NEB: variants seen among roughly 807,000 people sequenced by gnomAD.
The protein encoded by NEB is nemaline myopathy type 2.
A neutral mutation model predicts 952.2 loss-of-function variants in NEB; 512 were observed. The ratio of observed to expected loss-of-function variants is 0.54; its 90% CI spans 0.50 to 0.58. NEB has a LOEUF of 0.58. NEB is among the 20% of genes least tolerant of loss of function. NEB has a pLI of 0.00. For missense variants in NEB, 8,428 were observed against 9,231.1 expected, an observed-to-expected ratio of 0.91 and a Z score of 3.56; for synonymous variants, 2,900 against 3,149.8, an observed-to-expected ratio of 0.92 and a Z score of 2.66.
rs771860479 is a variant in NEB, at chr2:151,650,411, C to T, written c.7228-32G>A. 8 of 1,595,926 alleles carry T rather than the reference C, an allele frequency of 5.0e-6. No homozygotes were observed. The South Asian group carries it at 7.7e-5, about 15-fold the overall frequency. On this transcript the variant is annotated intron_variant, in intron 53 of 181. Transcript: ENST00000397345. ...AAAGACAGAGCAAGCCATCAAAATC[C>T]CATTCTCACCTGGACCCTTGATTCA...
intron 67 of NEB, 52 bp from the exon 68 acceptor site, chr2:151,629,698 CAG>C (rs777804855): frequency 8.3e-6 from 12 of 1,451,328 alleles, no homozygotes; most frequent in East Asian, 6.8e-5. Context: ...ATCAACAATT[CAG>C]AGATTATTAA....
rs554046143 is a variant in NEB, at chr2:151,496,348, C to T, written c.24414G>A (p.Met8138Ile). The change falls in exon 173 of 182, where the codon ATG (methionine) becomes ATA (isoleucine). Residue 8138 changes from methionine to isoleucine, a missense_variant. This residue lies in a region of NEB where 3,374 missense variants were observed against 3,651.5 expected (regional missense o/e 0.92). Transcript: ENST00000397345. ...NISSVLYKEN[M>I]GKGTPLAVTP... ...TGACAGCTAAAGGAGTTCCCTTGCCCATGTTTTCTTTGTATAACACCTGTG... is the reference window on the plus strand; with the variant it reads ...TGACAGCTAAAGGAGTTCCCTTGCCTATGTTTTCTTTGTATAACACCTGTG... 12 of 1,610,380 alleles carry T rather than the reference C, an allele frequency of 7.5e-6. No individual in the cohort carries two copies. Among genetic ancestry groups the T allele is most frequent in the African/African-American group, 1.3e-5 (1 of 74,960 alleles).
At chr2:151,540,889 G>T in intron 136 of NEB, 88 bp from the exon 137 acceptor site, 1 of 1,099,890 alleles carries the variant, frequency 9.1e-7, no homozygotes, top group Non-Finnish European at 1.4e-6. Flanking sequence ...TAACCATTCA[G>T]TGGGAAGGTG....
At position 151,531,824 on chromosome 2, in the gene NEB, G is replaced by A. The variant is rs771050596; in HGVS notation, c.21490C>T (p.Arg7164Cys). ...ATTTGTTTGTTGACTTTTGTAGTAC[G>A]CAGGTGTTCTGGAGTATCCACAATT... ...TSIVDTPEHL[R>C]TTKVNKQISD... The change falls in exon 144 of 182, where the codon CGT becomes TGT. Residue 7164 changes from arginine (R) to cysteine (C), a missense_variant. Physicochemically the swap from Arg to Cys is radical, Grantham distance 180. Around this residue, in one of 11 missense-constraint regions of NEB, gnomAD observed 3,374 missense variants for 3,651.5 expected, o/e 0.92. Coordinates refer to ENST00000397345, the MANE Select transcript of NEB (RefSeq NM_001164508.2). The A allele has an allele frequency of 1.2e-5, 20 of 1,612,740 alleles. No individual in the cohort carries two copies. The highest frequency in any genetic ancestry group is 3.3e-5 in the Admixed American group (2 of 59,960).
intron 124 of NEB, 115 bp downstream of exon 124, chr2:151,560,477 G>A (rs550584748): frequency 5.5e-5 from 44 of 794,182 alleles, no homozygotes; most frequent in East Asian, 4.6e-4. Context: ...ACATGCCCAC[G>A]GGAGTGCTAG....
chr2:151,523,284 A>T (rs1221137442), intron 153 of NEB, among the ~76,000 whole-genome samples: 1 of 152,180 alleles, frequency 6.6e-6, no homozygotes, highest in African/African-American at 2.4e-5. Context: ...AAAAACTTTT[A>T]AAAAATAATA....
intron 62 of NEB, among the ~76,000 whole-genome samples, 162 bp downstream of exon 62, chr2:151,639,695 A>G (rs552015343): frequency 6.6e-6 from 1 of 152,332 alleles, no homozygotes; most frequent in East Asian, 1.9e-4. Flanking sequence ...AATATACATG[A>G]TATATATCAG....
chr2:151,654,168 A>C, intron 51 of NEB, 69 bp from the exon 52 acceptor site: 1 of 911,238 alleles, frequency 1.1e-6, no homozygotes, highest in Non-Finnish European at 1.6e-6. Context: ...TATTAGGGAA[A>C]AGTTTACCTA....
intron 27 of NEB, among the ~76,000 whole-genome samples, chr2:151,685,926 G>T (rs1251271831): frequency 6.6e-6 from 1 of 152,112 alleles, no homozygotes; most frequent in Non-Finnish European, 1.5e-5. Context: ...CTGATCTTTT[G>T]GCTTTCTAAG....
intron 173 of NEB, among the ~76,000 whole-genome samples, chr2:151,494,793 C>A (rs190319656): frequency 1.3e-5 from 2 of 152,094 alleles, no homozygotes; most frequent in Non-Finnish European, 2.9e-5. Flanking sequence ...GGATTACAGG[C>A]GTGCACCACC....
In NEB at chr2:151,687,594, TCCAGGTCC is replaced by T. The variant is rs1323709753; in HGVS notation, c.2523+24_2523+31del. ...AGGAAATGTCCCCAAGGCCACCCTG[TCCAGGTCC>T]CCAGGTCCCCAGGCCACACTCACAT... On this transcript the variant is annotated intron_variant, in intron 26 of 181. Transcript: ENST00000397345. 5.6e-6 allele frequency: 9 copies of T among 1,613,400 alleles called. No individual in the cohort carries two copies. In the Admixed American group the frequency reaches 1.0e-4, roughly 18 times the overall value.
intron 148 of NEB, among the ~76,000 whole-genome samples, chr2:151,526,701 TA>T (rs2086306284): frequency 6.6e-6 from 1 of 152,198 alleles, no homozygotes. Context: ...TGGTGCAGTA[TA>T]AATCGAGGAC....
intron 20 of NEB, 24 bp from the exon 21 acceptor site, chr2:151,692,386 A>G (rs774195091): frequency 1.3e-6 from 2 of 1,524,466 alleles, no homozygotes; most frequent in Non-Finnish European, 1.8e-6. Flanking sequence ...AATAAATTAA[A>G]CCAAAAAGAA....
rs2153451874 is a variant in NEB, at chr2:151,525,950, T to C, written c.22161+8A>G. 1.2e-6 allele frequency: 2 copies of C among 1,609,120 alleles called. No homozygotes were observed. On this transcript the variant is annotated splice_region_variant and intron_variant, in intron 150 of 181. Transcript: ENST00000397345. ...TTGCTGCCAAGAGACCGGTGGTTGA[T>C]CACTTACATCACTGACATGCTTGGT...
chr2:151,540,900 G>A, intron 136 of NEB, 99 bp from the exon 137 acceptor site: 3 of 982,262 alleles, frequency 3.1e-6, no homozygotes, highest in Non-Finnish European at 4.8e-6. Context: ...TGGGAAGGTG[G>A]TATCTGCTTA....
chr2:151,722,507 T>C (rs978201751), intron 9 of NEB, among the ~76,000 whole-genome samples: 1 of 152,126 alleles, frequency 6.6e-6, no homozygotes, highest in African/African-American at 2.4e-5. Context: ...TATACAAATG[T>C]GTTTTTGGTT....
chr2:151,615,898 T>C, intron 76 of NEB, 104 bp downstream of exon 76: 1 of 839,744 alleles, frequency 1.2e-6, no homozygotes, highest in Non-Finnish European at 1.9e-6. Context: ...TAAAGGGAAT[T>C]GAGACTTATA....
intron 13 of NEB, among the ~76,000 whole-genome samples, chr2:151,698,341 T>G (rs139622158): frequency 1.2e-4 from 18 of 152,212 alleles, no homozygotes; most frequent in Non-Finnish European, 2.1e-4. Context: ...CAATCAATTT[T>G]AAAACATTTC....
In NEB at chr2:151,576,249, T is replaced by G; in HGVS notation, c.16810A>C (p.Ser5604Arg). ...TTCACCACAGGCGTCCGATAGACAC[T>G]GTCACAAAAGATATTCTGGGCGTTT... ...VKNAQNIFCD[S>R]VYRTPVVNLK... is the part of the protein sequence containing the mutation. The change falls in exon 106 of 182, where the codon AGT becomes CGT. Residue 5604 changes from serine to arginine, a missense_variant. By Grantham distance (110) the Ser-to-Arg change is moderately radical. Coordinates refer to ENST00000397345, the MANE Select transcript of NEB (RefSeq NM_001164508.2). 6.2e-7 allele frequency: 1 copy of G among 1,611,382 alleles called. No individual in the cohort carries two copies. The highest frequency in any genetic ancestry group is 8.5e-7 in the Non-Finnish European group (1 of 1,178,144).
Sources: allele counts gnomAD v4.1 joint callset (sites outside exome capture counted in the v4.1 genomes callset), GRCh38; gene constraint gnomAD v4.1.1; regional missense constraint gnomAD v4.1.1; transcripts MANE v1.5; gene names NCBI Gene and HGNC (gene_info 2026-07-23, HGNC 2026-07-21).